Variants in LPIN1 observed in about 807,000 individuals in gnomAD.
The protein encoded by LPIN1 is lipin 1, also known as phosphatidate phosphatase LPIN1.
Under a neutral mutation model 107.5 loss-of-function variants are expected in LPIN1, and 71 were observed. The ratio of observed to expected loss-of-function variants is 0.66; its 90% CI spans 0.55 to 0.80. The LOEUF (loss-of-function observed/expected upper bound fraction) is 0.80, where lower values mean the gene tolerates loss of function less well. LPIN1 is among the 30% of genes least tolerant of loss of function. The pLI is 0.00. For synonymous variants in LPIN1, 445 were observed against 452.6 expected (o/e 0.98, Z 0.21); for missense variants, 1,043 against 1,160.6 (o/e 0.90, Z 1.47).
At chr2:11,698,685 G>T (rs77634189) in intron 1 of LPIN1, among the ~76,000 whole-genome samples, 1 of 152,346 alleles carries the variant, frequency 6.6e-6, no homozygotes, top group African/African-American at 2.4e-5. Flanking sequence ...TATTTAAACA[G>T]AATAAGCTTT....
At chr2:11,805,373 G>A in intron 17 of LPIN1, 2 of 633,782 alleles carry the variant, frequency 3.2e-6, no homozygotes, top group African/African-American at 1.8e-5. Flanking sequence ...GAAACAAGGG[G>A]CGAAGTATAG....
chr2:11,696,873 C>T (rs149128722), intron 1 of LPIN1, among the ~76,000 whole-genome samples: 9 of 152,358 alleles, frequency 5.9e-5, no homozygotes, highest in African/African-American at 2.2e-4. Context: ...TCGAAGTGTC[C>T]TGCGCCCCTC....
At chr2:11,713,896 G>C (rs1663562685) in intron 2 of LPIN1, 1 of 987,162 alleles carries the variant, frequency 1.0e-6, no homozygotes, top group Non-Finnish European at 1.5e-6. Flanking sequence ...GCTGTGGTTT[G>C]TCGCCATGGC....
chr2:11,781,378 A>G (rs1673548397), intron 7 of LPIN1, among the ~76,000 whole-genome samples: 1 of 152,244 alleles, frequency 6.6e-6, no homozygotes, highest in Non-Finnish European at 1.5e-5. Flanking sequence ...CTTCTGGCAA[A>G]ATAGTTGTAA....
At chr2:11,790,990 AAAATG>A (rs1181638628) in intron 12 of LPIN1, among the ~76,000 whole-genome samples, 1 of 152,180 alleles carries the variant, frequency 6.6e-6, no homozygotes, top group Non-Finnish European at 1.5e-5. Context: ...TTTTTTAAAA[AAAATG>A]TGGTTTTGTT....
intron 9 of LPIN1, 199 bp downstream of exon 9, chr2:11,784,121 A>C (rs1047231783): frequency 2.2e-6 from 2 of 900,326 alleles, no homozygotes; most frequent in Non-Finnish European, 3.2e-6. Flanking sequence ...CCTGGCCAAC[A>C]TGGTGAATCC....
At chr2:11,811,704 T>C (rs1679675598) in intron 17 of LPIN1, among the ~76,000 whole-genome samples, 1 of 152,218 alleles carries the variant, frequency 6.6e-6, no homozygotes, top group East Asian at 1.9e-4. Context: ...TTAAAAAGAT[T>C]GGCTGGGCGC....
intron 1 of LPIN1, among the ~76,000 whole-genome samples, chr2:11,678,829 A>T (rs1235141610): frequency 6.6e-6 from 1 of 152,214 alleles, no homozygotes; most frequent in Non-Finnish European, 1.5e-5. Flanking sequence ...GGAGGCCTGC[A>T]GGGGAGAGAC....
intron 1 of LPIN1, among the ~76,000 whole-genome samples, chr2:11,733,051 C>G (rs955554688): frequency 5.9e-5 from 9 of 152,014 alleles, no homozygotes; most frequent in African/African-American, 1.9e-4. Flanking sequence ...GGGTCAATAC[C>G]TGGCTCTTCT....
intron 16 of LPIN1, 66 bp downstream of exon 16, chr2:11,804,637 G>C: frequency 1.3e-6 from 2 of 1,550,176 alleles, no homozygotes; most frequent in Non-Finnish European, 1.8e-6. Context: ...CTCTGGGCCT[G>C]GTGTTGGCAC....
At chr2:11,795,663 A>G (rs1676579955) in intron 14 of LPIN1, among the ~76,000 whole-genome samples, 176 bp downstream of exon 14, 1 of 152,256 alleles carries the variant, frequency 6.6e-6, no homozygotes, top group African/African-American at 2.4e-5. Flanking sequence ...AAATGCATGC[A>G]GTTGCTCCCT....
intron 13 of LPIN1, among the ~76,000 whole-genome samples, chr2:11,794,530 G>A (rs1676328976): frequency 6.6e-6 from 1 of 152,164 alleles, no homozygotes; most frequent in South Asian, 2.1e-4. Context: ...AAGGATATTT[G>A]AACTTAGTTC....
intron 17 of LPIN1, among the ~76,000 whole-genome samples, chr2:11,811,206 G>A (rs1325203790): frequency 6.6e-6 from 1 of 152,176 alleles, no homozygotes; most frequent in Admixed American, 6.5e-5. Flanking sequence ...GTGAGTGAGT[G>A]TGCACTGAAG....
exon 1 of LPIN1, chr2:11,677,642 C>T (rs950729927): frequency 1.6e-5 from 24 of 1,533,972 alleles, no homozygotes; most frequent in African/African-American, 1.1e-4. Flanking sequence ...CCATACAGGG[C>T]GGGCCATGGG....
chr2:11,804,648 C>T, intron 16 of LPIN1, 77 bp downstream of exon 16: 1 of 1,455,508 alleles, frequency 6.9e-7, no homozygotes. Context: ...GTGTTGGCAC[C>T]TCTGCTCTCC....
At chr2:11,759,008 G>A (rs559279679) in intron 1 of LPIN1, among the ~76,000 whole-genome samples, 39 of 152,342 alleles carry the variant, frequency 2.6e-4, no homozygotes, top group African/African-American at 7.5e-4. Flanking sequence ...GTCTTGGAAC[G>A]GATAGAGCTG....
At chr2:11,818,605 GT>G (rs920211491) in intron 18 of LPIN1, 15 of 151,090 alleles carry the variant, frequency 9.9e-5, no homozygotes, top group African/African-American at 3.6e-4. Context: ...GTGCATATTT[GT>G]TTTTTGTGAT....
At chr2:11,781,697 A>G (rs550471751) in intron 7 of LPIN1, among the ~76,000 whole-genome samples, 1 of 152,346 alleles carries the variant, frequency 6.6e-6, no homozygotes, top group South Asian at 2.1e-4. Flanking sequence ...CACAGCAGGA[A>G]CAGATCTGTG....
At chr2:11,679,430 T>C (rs1051664446) in intron 1 of LPIN1, among the ~76,000 whole-genome samples, 1 of 152,262 alleles carries the variant, frequency 6.6e-6, no homozygotes, top group Non-Finnish European at 1.5e-5. Context: ...TATAAAAGCA[T>C]GTTCATTGTA....
Sources: allele counts gnomAD v4.1 joint callset (sites outside exome capture counted in the v4.1 genomes callset), GRCh38; gene constraint gnomAD v4.1.1; transcripts MANE v1.5; gene names NCBI Gene and HGNC (gene_info 2026-07-23, HGNC 2026-07-21).